Variants in SERPINA7 observed in about 807,000 individuals in gnomAD.
SERPINA7 encodes thyroxine-binding globulin.
SERPINA7 carries 14 observed loss-of-function variants against 16.0 expected under a neutral mutation model. The observed-to-expected ratio is 0.88, with a 90% CI of 0.58 to 1.37. SERPINA7 has a LOEUF of 1.37. Among genes scored for constraint, SERPINA7 ranks in the 40% most tolerant of loss-of-function variants. The pLI is 0.00. For synonymous variants in SERPINA7, 140 were observed against 111.0 expected, an observed-to-expected ratio of 1.26 and a Z score of -1.65; for missense variants, 335 against 296.6, an observed-to-expected ratio of 1.13 and a Z score of -0.95.
intron 4 of SERPINA7, 51 bp downstream of exon 4, chrX:106,034,184 C>T: frequency 2.6e-6 from 3 of 1,157,677 alleles, no homozygotes; most frequent in Non-Finnish European, 3.5e-6. Flanking sequence ...CAATTGACTC[C>T]TAATTGCTCT....
chrX:106,037,020 C>A lies in SERPINA7; in HGVS notation c.39G>T (p.Gly13=). The A allele has an allele frequency of 8.3e-7, 1 of 1,209,106 alleles. No homozygotes were observed. The highest frequency in any genetic ancestry group is 3.0e-5 in the East Asian group (1 of 33,765). The change falls in exon 2 of 5, where the codon GGG becomes GGT. Residue 13 remains glycine, a synonymous_variant. Coordinates refer to ENST00000372563, the MANE Select transcript of SERPINA7 (RefSeq NM_000354.6). ...ATGCACAGTGGATTGTAGCATGAAGCCCAAGTACCAAGAGAACCAGATACA... is the reference window on the plus strand; with the variant it reads ...ATGCACAGTGGATTGTAGCATGAAGACCAAGTACCAAGAGAACCAGATACA... ...PFLYLVLLVL[G]LHATIHCASP...
At position 106,033,533 on chromosome X, in the gene SERPINA7, A is replaced by G; in HGVS notation, c.1215T>C (p.Phe405=). Residue 405 remains phenylalanine, a synonymous_variant, in exon 5 of 5, where the codon TTT becomes TTC. Coordinates refer to ENST00000372563, the MANE Select transcript of SERPINA7 (RefSeq NM_000354.6). The part of the protein sequence containing the change: ...ILERSTRSIL[F]LGKVVNPTEA ...CCGTTGGGTTCACAACTTTCCCTAG[A>G]AAGAGAATACTCCTTGTGCTTCTCT... 1 of 1,211,462 alleles carries G rather than the reference A, an allele frequency of 8.3e-7. No homozygotes were observed. The highest frequency in any genetic ancestry group is 1.1e-6 in the Non-Finnish European group (1 of 895,102).
chrX:106,038,550 A>T (rs1482155631), intron 1 of SERPINA7, 148 bp downstream of exon 1: 6 of 111,182 alleles, frequency 5.4e-5, no homozygotes, highest in Non-Finnish European at 1.1e-4. Flanking sequence ...AGGCTGGTAG[A>T]AAGTCAATTA....
At position 106,035,158 on chromosome X, in the gene SERPINA7, T is replaced by C; in HGVS notation, c.850A>G (p.Met284Val). The C allele has an allele frequency of 8.3e-7, 1 of 1,211,638 alleles. No individual in the cohort carries two copies. The highest frequency in any genetic ancestry group is 1.1e-6 in the Non-Finnish European group (1 of 895,311). The change falls in exon 3 of 5, where the codon ATG becomes GTG. Residue 284 changes from methionine (M) to valine (V), a missense_variant. Physicochemically the swap from Met to Val is conservative, Grantham distance 21. Coordinates refer to ENST00000372563, the MANE Select transcript of SERPINA7 (RefSeq NM_000354.6). ...EGQMESVEAA[M>V]SSKTLKKWNR... The stretch of plus-strand genomic sequence containing the variant: ...CACTTCTTCAGTGTTTTAGATGACA[T>C]GGCAGCTTCCACTGACTCCATCTGT...
chrX:106,033,504 G>T lies in SERPINA7; in HGVS notation c.1244C>A (p.Ala415Glu). The stretch of plus-strand genomic sequence containing the variant: ...AGCCAATGGCCTTTTTCCCAACTAC[G>T]CTTCCGTTGGGTTCACAACTTTCCC... Reference protein sequence around the residue: ...FLGKVVNPTEA With the variant: ...FLGKVVNPTEE The change falls in exon 5 of 5, where the codon GCG (alanine) becomes GAG (glutamate). Residue 415 changes from alanine to glutamate, a missense_variant. Ala to Glu is a moderately radical substitution (Grantham distance 107). Coordinates refer to ENST00000372563, the MANE Select transcript of SERPINA7 (RefSeq NM_000354.6). 1 of 1,210,388 alleles carries T rather than the reference G, an allele frequency of 8.3e-7. No individual in the cohort carries two copies. Among genetic ancestry groups the T allele is most frequent in the Non-Finnish European group, 1.1e-6 (1 of 894,535 alleles).
At position 106,034,451 on chromosome X, in the gene SERPINA7, C is replaced by T; in HGVS notation, c.897-69G>A. 21 of 952,701 alleles carry T rather than the reference C, an allele frequency of 2.2e-5. No individual in the cohort carries two copies. The South Asian group carries it at 4.0e-4, about 18-fold the overall frequency. 78.5% of individuals were successfully genotyped at this position (952,701 alleles called of 1,213,427 possible). ...AGCTTATGATTCTCTCCTTCTCTCT[C>T]TCATGATGGTATTATATTGGACTCT... On this transcript the variant is annotated intron_variant, in intron 3 of 4. Coordinates refer to ENST00000372563, the MANE Select transcript of SERPINA7 (RefSeq NM_000354.6).
Position 106,032,572 on chromosome X carries a change from A to G in SERPINA7, c.*928T>C, listed in dbSNP as rs2041416002. On this transcript the variant is annotated 3_prime_UTR_variant, in exon 5 of 5. Coordinates refer to ENST00000372563, the MANE Select transcript of SERPINA7 (RefSeq NM_000354.6). ...GAATTTCAGATACTACATCATTACC[A>G]CTCACTGTGCCATTTATACTCAAGC... is the stretch of plus-strand genomic sequence containing the variant. 1 of 111,419 alleles carries G rather than the reference A, an allele frequency of 9.0e-6. No individual in the cohort carries two copies. Among genetic ancestry groups the G allele is most frequent in the Admixed American group, 9.6e-5 (1 of 10,436 alleles). 9.2% of individuals were successfully genotyped at this position (111,419 alleles called of 1,213,427 possible).
chrX:106,035,348 T>C lies in SERPINA7; in HGVS notation c.660A>G (p.Glu220=), dbSNP rs1464559838. ...WANPFDPSKT[E]DSSSFLIDKT... Reference sequence around the variant, plus strand: ...TGTCTATTAAGAAGCTGGAACTGTCTTCTGTCTTGGATGGATCAAAAGGAT... The same window carrying C: ...TGTCTATTAAGAAGCTGGAACTGTCCTCTGTCTTGGATGGATCAAAAGGAT... The change falls in exon 3 of 5, where the codon GAA becomes GAG. Residue 220 remains glutamate, a synonymous_variant. Coordinates refer to ENST00000372563, the MANE Select transcript of SERPINA7 (RefSeq NM_000354.6). The C allele has an allele frequency of 8.3e-7, 1 of 1,210,018 alleles. No homozygotes were observed. The highest frequency in any genetic ancestry group is 1.1e-6 in the Non-Finnish European group (1 of 894,808).
In SERPINA7 at chrX:106,033,585, T is replaced by C. The variant is rs143311397; in HGVS notation, c.1163A>G (p.Asp388Gly). ...NTFLHPIIQI[D>G]RSFMLLILER... ...CAAAATCAACAACATGAAAGATCTA[T>C]CAATTTGGATAATAGGGTGTAGGAA... Residue 388 changes from aspartate (D) to glycine (G), a missense_variant, in exon 5 of 5, where the codon GAT (aspartate) becomes GGT (glycine). Asp to Gly is a moderately conservative substitution (Grantham distance 94). Coordinates refer to ENST00000372563, the MANE Select transcript of SERPINA7 (RefSeq NM_000354.6). 74 of 1,209,335 alleles carry C rather than the reference T, an allele frequency of 6.1e-5. No homozygotes were observed. The highest frequency in any genetic ancestry group is 8.0e-5 in the Non-Finnish European group (72 of 894,540).
At chrX:106,037,131 C>A (rs774551482) in intron 1 of SERPINA7, 56 bp from the exon 2 acceptor site, 1 of 973,688 alleles carries the variant, frequency 1.0e-6, no homozygotes, top group African/African-American at 1.9e-5. Context: ...TGAAACACTC[C>A]CTGAGCCAGA....
intron 3 of SERPINA7, 144 bp from the exon 4 acceptor site, chrX:106,034,526 C>A (rs1265254000): frequency 7.3e-6 from 4 of 548,702 alleles, no homozygotes; most frequent in Admixed American, 2.8e-5. Flanking sequence ...CAATACATGG[C>A]ACCAAACTCA....
At chrX:106,033,789 A>G in intron 4 of SERPINA7, 86 bp from the exon 5 acceptor site, 2 of 1,205,002 alleles carry the variant, frequency 1.7e-6, no homozygotes, top group Non-Finnish European at 2.2e-6. Flanking sequence ...GGGAAAGGAA[A>G]GGTGGGGCCG....
rs971669517 is a variant in SERPINA7, at chrX:106,037,980, A to G, written c.-18+718T>C. Reference sequence around the variant, plus strand: ...GGAAGAGGTCTATGAACTCAGAAAAAGGATCCTTCCTCCACCCTCCATCTT... The same window carrying G: ...GGAAGAGGTCTATGAACTCAGAAAAGGGATCCTTCCTCCACCCTCCATCTT... On this transcript the variant is annotated intron_variant, in intron 1 of 4. Transcript: ENST00000372563. Among the ~76,000 whole-genome samples the G allele has an allele frequency of 2.7e-5, 3 of 111,203 alleles. No homozygotes were observed. In the Admixed American group the frequency reaches 2.9e-4, roughly 11 times the overall value.
At position 106,034,469 on chromosome X, in the gene SERPINA7, T is replaced by C. The variant is rs771892602; in HGVS notation, c.897-87A>G. On this transcript the variant is annotated intron_variant, in intron 3 of 4. Transcript: ENST00000372563. ...TCTCTCTCTCATGATGGTATTATATTGGACTCTGCTTCTTCCCTGAGTATT... is the reference window on the plus strand; with the variant it reads ...TCTCTCTCTCATGATGGTATTATATCGGACTCTGCTTCTTCCCTGAGTATT... 4.7e-5 allele frequency: 39 copies of C among 825,311 alleles called. 1 individual carries two copies. The highest frequency in any genetic ancestry group is 6.9e-5 in the Non-Finnish European group (38 of 549,404). The allele number at this position is 825,311 out of a possible 1,213,427, so 68.0% of individuals were successfully genotyped here.
chrX:106,038,623 G>T (rs1266820580), intron 1 of SERPINA7, 75 bp downstream of exon 1: 1 of 111,465 alleles, frequency 9.0e-6, no homozygotes, highest in East Asian at 2.8e-4. Flanking sequence ...ACTCTGACTT[G>T]CCAACTTGGT....
rs150704715 is a variant in SERPINA7, at chrX:106,035,725, A to T, written c.623-340T>A. Among the ~76,000 whole-genome samples the T allele has an allele frequency of 7.1e-3, 794 of 112,213 alleles. 5 individuals are homozygous for T. The highest frequency in any genetic ancestry group is 0.025 in the African/African-American group (762 of 30,938). On this transcript the variant is annotated intron_variant, in intron 2 of 4. Coordinates refer to ENST00000372563, the MANE Select transcript of SERPINA7 (RefSeq NM_000354.6). Reference sequence around the variant, plus strand: ...ACACTAGGGAGAAGTGAGAAAACAGATCTGTTCTGCAATTTTAGCCAATCT... The same window carrying T: ...ACACTAGGGAGAAGTGAGAAAACAGTTCTGTTCTGCAATTTTAGCCAATCT...
intron 2 of SERPINA7, among the ~76,000 whole-genome samples, chrX:106,035,869 T>C (rs1479342382): frequency 8.9e-6 from 1 of 112,271 alleles, no homozygotes; most frequent in African/African-American, 3.2e-5. Context: ...GTCACATGAT[T>C]CTTGTTTCTA....
In SERPINA7 at chrX:106,036,895, C is replaced by T. The variant is rs61754489; in HGVS notation, c.164G>A (p.Arg55Gln). ...INADFAFNLYRRFTVETPDKN... is the reference protein window; with the variant it reads ...INADFAFNLYQRFTVETPDKN... ...ATCTGGGGTCTCCACAGTGAACCTC[C>T]GGTACAGATTGAATGCAAAGTCAGC... The change falls in exon 2 of 5, where the codon CGG becomes CAG. Residue 55 changes from arginine (R) to glutamine (Q), a missense_variant. By Grantham distance (43) the Arg-to-Gln change is conservative. Coordinates refer to ENST00000372563, the MANE Select transcript of SERPINA7 (RefSeq NM_000354.6). The T allele has an allele frequency of 2.5e-5, 30 of 1,208,882 alleles. No individual in the cohort carries two copies. Among genetic ancestry groups the T allele is most frequent in the Non-Finnish European group, 2.9e-5 (26 of 894,644 alleles).
chrX:106,038,083 C>T (rs1332985158), intron 1 of SERPINA7, among the ~76,000 whole-genome samples: 1 of 111,619 alleles, frequency 9.0e-6, no homozygotes, highest in Non-Finnish European at 1.9e-5. Context: ...GAGCTCCTAG[C>T]CATTTATCCA....
Sources: allele counts gnomAD v4.1 joint callset (sites outside exome capture counted in the v4.1 genomes callset), GRCh38; gene constraint gnomAD v4.1.1; transcripts MANE v1.5; gene names NCBI Gene and HGNC (gene_info 2026-07-23, HGNC 2026-07-21).